EFNA5: variants seen among roughly 807,000 people sequenced by gnomAD.
EFNA5 encodes ephrin-A5.
In EFNA5, 5 loss-of-function variants were observed where a neutral mutation model predicts 22.9. The observed-to-expected ratio is 0.22, with a 90% CI of 0.11 to 0.46. The LOEUF is 0.46. Among genes scored for constraint, EFNA5 ranks in the 20% least tolerant of loss-of-function variants. The pLI is 0.99. For missense variants in EFNA5, 237 were observed against 293.3 expected, an observed-to-expected ratio of 0.81 and a Z score of 1.40; for synonymous variants, 113 against 112.2, an observed-to-expected ratio of 1.01 and a Z score of -0.04.
At chr5:107,480,011 T>C (rs1448760985) in intron 1 of EFNA5, among the ~76,000 whole-genome samples, 1 of 152,212 alleles carries the variant, frequency 6.6e-6, no homozygotes, top group Non-Finnish European at 1.5e-5. Context: ...CAAAACTCAA[T>C]TGAAATCATA....
intron 2 of EFNA5, among the ~76,000 whole-genome samples, chr5:107,406,840 A>C (rs371783263): frequency 6.6e-6 from 1 of 152,232 alleles, no homozygotes; most frequent in South Asian, 2.1e-4. Flanking sequence ...GAATCAGTGA[A>C]TGAAAGACAA....
intron 1 of EFNA5, among the ~76,000 whole-genome samples, chr5:107,611,098 G>A (rs2112520760): frequency 6.6e-6 from 1 of 152,118 alleles, no homozygotes; most frequent in Admixed American, 6.6e-5. Context: ...GTGGGGCAAT[G>A]ACAGATATGA....
chr5:107,648,343 A>G (rs1449708305), intron 1 of EFNA5, among the ~76,000 whole-genome samples: 2 of 152,202 alleles, frequency 1.3e-5, no homozygotes, highest in African/African-American at 4.8e-5. Flanking sequence ...ATGTAACTAA[A>G]ATACTTATAT....
intron 1 of EFNA5, among the ~76,000 whole-genome samples, chr5:107,500,264 T>C (rs1032307714): frequency 1.3e-5 from 2 of 152,212 alleles, no homozygotes; most frequent in Admixed American, 6.5e-5. Flanking sequence ...GCCACAAACA[T>C]CACTATTAAC....
intron 1 of EFNA5, among the ~76,000 whole-genome samples, chr5:107,476,489 T>A (rs1473260104): frequency 6.6e-6 from 1 of 152,210 alleles, no homozygotes. Context: ...GTGGCTTGTT[T>A]AGAGTTTCAA....
At chr5:107,522,014 A>G in intron 1 of EFNA5, among the ~76,000 whole-genome samples, 1 of 152,106 alleles carries the variant, frequency 6.6e-6, no homozygotes, top group Non-Finnish European at 1.5e-5. Context: ...TTTTTCTGTT[A>G]CAAGAGTGGA....
In EFNA5 at chr5:107,387,228, T is replaced by C. The variant is rs754075956; in HGVS notation, c.565+7A>G. 2 of 1,595,198 alleles carry C rather than the reference T, an allele frequency of 1.3e-6. No homozygotes were observed. The highest frequency in any genetic ancestry group is 1.7e-6 in the Non-Finnish European group (2 of 1,166,680). On this transcript the variant is annotated splice_region_variant and intron_variant, in intron 4 of 4. Transcript: ENST00000333274. ...TTTGTTAAAAGAGATTCTCTAAGCA[T>C]ACTAACCTGCTGGTTCTAATGAATT...
chr5:107,669,914 T>C (rs1358671310), intron 1 of EFNA5, among the ~76,000 whole-genome samples: 1 of 151,212 alleles, frequency 6.6e-6, no homozygotes, highest in Admixed American at 6.6e-5. Flanking sequence ...AATGATTTCC[T>C]CGCAGTTGAA....
intron 1 of EFNA5, among the ~76,000 whole-genome samples, chr5:107,601,250 C>G (rs144109892): frequency 6.6e-6 from 1 of 152,288 alleles, no homozygotes; most frequent in East Asian, 1.9e-4. Flanking sequence ...GCCGCATTGG[C>G]AAAGAACTCA....
intron 1 of EFNA5, among the ~76,000 whole-genome samples, chr5:107,659,953 A>T (rs1750911316): frequency 6.6e-6 from 1 of 151,880 alleles, no homozygotes; most frequent in African/African-American, 2.4e-5. Flanking sequence ...AAGGTAAACC[A>T]ATAGGTATGT....
chr5:107,556,753 AAAATAAAT>A (rs35945658), intron 1 of EFNA5, among the ~76,000 whole-genome samples: 46 of 122,686 alleles, frequency 3.7e-4, no homozygotes, highest in South Asian at 5.6e-4. Flanking sequence ...TCTCAAAATA[AAAATAAAT>A]AAATAAATAA....
intron 1 of EFNA5, among the ~76,000 whole-genome samples, chr5:107,605,443 C>T (rs368523193): frequency 3.3e-5 from 5 of 152,120 alleles, no homozygotes; most frequent in Admixed American, 2.6e-4. Flanking sequence ...TGTTAGCAGA[C>T]GGCTGTCATG....
chr5:107,468,880 A>G (rs995113337), intron 1 of EFNA5, among the ~76,000 whole-genome samples: 4 of 152,230 alleles, frequency 2.6e-5, no homozygotes, highest in Admixed American at 6.5e-5. Context: ...CATTTTTTAA[A>G]AAGAACAAGT....
chr5:107,390,800 C>T (rs950433805), intron 2 of EFNA5, among the ~76,000 whole-genome samples: 1 of 152,040 alleles, frequency 6.6e-6, no homozygotes, highest in African/African-American at 2.4e-5. Flanking sequence ...AAGTTGATAA[C>T]GAATAATTAT....
intron 1 of EFNA5, among the ~76,000 whole-genome samples, chr5:107,490,662 C>A (rs1352146164): frequency 1.3e-5 from 2 of 152,178 alleles, no homozygotes; most frequent in African/African-American, 4.8e-5. Context: ...TGGCAGGGAA[C>A]ATTAACCGCT....
intron 1 of EFNA5, among the ~76,000 whole-genome samples, chr5:107,493,567 C>A (rs1421985556): frequency 6.6e-6 from 1 of 152,204 alleles, no homozygotes; most frequent in Admixed American, 6.5e-5. Flanking sequence ...AAGTATATTA[C>A]AAGACTCTGG....
chr5:107,519,936 C>T (rs1210504587), intron 1 of EFNA5, among the ~76,000 whole-genome samples: 2 of 152,180 alleles, frequency 1.3e-5, no homozygotes, highest in African/African-American at 4.8e-5. Context: ...AGCGACAAAG[C>T]ACAATGACTT....
At chr5:107,416,231 C>A (rs896344076) in intron 2 of EFNA5, among the ~76,000 whole-genome samples, 21 of 152,156 alleles carry the variant, frequency 1.4e-4, no homozygotes, top group Non-Finnish European at 3.1e-4. Context: ...ATACATTTCC[C>A]ATTAGCTGTC....
At chr5:107,503,337 T>C (rs1339846092) in intron 1 of EFNA5, among the ~76,000 whole-genome samples, 1 of 152,204 alleles carries the variant, frequency 6.6e-6, no homozygotes, top group Non-Finnish European at 1.5e-5. Context: ...ATGTCAACAG[T>C]TCTAACCATC....
Sources: gnomAD v4.1 joint callset for allele counts (sites outside exome capture counted in the v4.1 genomes callset) on GRCh38, gnomAD v4.1.1 for gene constraint, MANE v1.5 for transcripts, NCBI Gene and HGNC (gene_info 2026-07-23, HGNC 2026-07-21) for gene names.